IQGAP2: variants seen among roughly 807,000 people sequenced by gnomAD.
IQGAP2 encodes ras GTPase-activating-like protein IQGAP2.
IQGAP2 carries 173 observed loss-of-function variants against 201.3 expected under a neutral mutation model. The observed-to-expected ratio is 0.86, with a 90% CI of 0.76 to 0.98. IQGAP2 has a LOEUF of 0.98. Ranked by LOEUF, IQGAP2 falls within the 50% of genes least tolerant of loss-of-function variation. The pLI, the probability that IQGAP2 is intolerant of heterozygous loss-of-function variation, is 0.00. For missense variants in IQGAP2, 1,687 were observed against 1,864.8 expected, an observed-to-expected ratio of 0.90 and a Z score of 1.76; for synonymous variants, 675 against 673.9, an observed-to-expected ratio of 1.00 and a Z score of -0.03.
chr5:76,486,637 A>ATT (rs67220703), intron 2 of IQGAP2, among the ~76,000 whole-genome samples: 1 of 151,700 alleles, frequency 6.6e-6, no homozygotes. Context: ...CAATTCAGTG[A>ATT]TTTTTTTTTT....
chr5:76,477,776 G>T (rs1249227204), intron 2 of IQGAP2, among the ~76,000 whole-genome samples: 1 of 152,172 alleles, frequency 6.6e-6, no homozygotes, highest in African/African-American at 2.4e-5. Context: ...GGGACAAGAT[G>T]TGGAGGTGGA....
chr5:76,674,168 G>T, intron 26 of IQGAP2, 132 bp downstream of exon 26: 1 of 633,860 alleles, frequency 1.6e-6, no homozygotes. Flanking sequence ...TGTTTCTAAT[G>T]ACTCTCAAGA....
chr5:76,667,672 C>T (rs1263905346), intron 22 of IQGAP2, among the ~76,000 whole-genome samples: 1 of 152,124 alleles, frequency 6.6e-6, no homozygotes, highest in Non-Finnish European at 1.5e-5. Flanking sequence ...CCCTTATCAA[C>T]TGTCCTGACC....
intron 28 of IQGAP2, among the ~76,000 whole-genome samples, chr5:76,681,334 G>A (rs1745274564): frequency 6.6e-6 from 1 of 151,620 alleles, no homozygotes; most frequent in Non-Finnish European, 1.5e-5. Context: ...TCTGGTAAAG[G>A]GTTAATATCT....
chr5:76,630,246 G>A (rs1043770116), intron 14 of IQGAP2, among the ~76,000 whole-genome samples: 2 of 152,144 alleles, frequency 1.3e-5, no homozygotes, highest in Non-Finnish European at 1.5e-5. Context: ...AGGCTATTTC[G>A]TGCAGGAGCC....
rs1749796082 is a variant in IQGAP2 at position 76,622,479 on chromosome 5, C to G, written c.1522-4931C>G. Among the ~76,000 whole-genome samples the G allele has an allele frequency of 5.3e-5, 8 of 152,276 alleles. No homozygotes were observed. The South Asian group carries it at 1.7e-3, about 32-fold the overall frequency. Reference sequence around the variant, plus strand: ...CCTCTCCCACTCCTAACAATGTTGACTGGAGTGTGTGACCTAACAAAGAGT... The same window carrying G: ...CCTCTCCCACTCCTAACAATGTTGAGTGGAGTGTGTGACCTAACAAAGAGT... On this transcript the variant is annotated intron_variant, in intron 13 of 35. Coordinates refer to ENST00000274364, the MANE Select transcript of IQGAP2 (RefSeq NM_006633.5).
In IQGAP2 at chr5:76,658,763, TG is replaced by T. The variant is rs1742984776; in HGVS notation, c.2529+97del. The T allele has an allele frequency of 9.5e-6, 10 of 1,048,854 alleles. No individual in the cohort carries two copies. In the East Asian group the frequency reaches 1.9e-4, roughly 20 times the overall value. 65.0% of individuals were successfully genotyped at this position (1,048,854 alleles called of 1,614,324 possible). On this transcript the variant is annotated intron_variant, in intron 21 of 35. Coordinates refer to ENST00000274364, the MANE Select transcript of IQGAP2 (RefSeq NM_006633.5). ...AATGACAGGGATACATTCTCAGAAA[TG>T]TAGCATTAGGTGATTTCATCCTGAT...
At chr5:76,670,169 G>C (rs1224035405) in intron 23 of IQGAP2, among the ~76,000 whole-genome samples, 1 of 152,030 alleles carries the variant, frequency 6.6e-6, no homozygotes, top group Non-Finnish European at 1.5e-5. Flanking sequence ...TTTTGTTTGG[G>C]CATTGATTCA....
At chr5:76,598,481 A>T (rs1747193952) in intron 10 of IQGAP2, among the ~76,000 whole-genome samples, 1 of 152,186 alleles carries the variant, frequency 6.6e-6, no homozygotes, top group African/African-American at 2.4e-5. Flanking sequence ...GTTTAAACTC[A>T]ATCAGAAGTA....
intron 2 of IQGAP2, among the ~76,000 whole-genome samples, chr5:76,479,393 T>C (rs1755641880): frequency 1.3e-5 from 2 of 152,104 alleles, no homozygotes; most frequent in Admixed American, 6.5e-5. Context: ...TTCTGTTGGA[T>C]AGCCTTTGAA....
intron 2 of IQGAP2, among the ~76,000 whole-genome samples, chr5:76,501,397 G>A (rs1047167813): frequency 6.6e-6 from 1 of 152,008 alleles, no homozygotes; most frequent in African/African-American, 2.4e-5. Context: ...AAGAACCCCC[G>A]GCTCTATTTT....
At chr5:76,592,637 C>T (rs572450958) in intron 8 of IQGAP2, among the ~76,000 whole-genome samples, 6 of 152,188 alleles carry the variant, frequency 3.9e-5, no homozygotes, top group Admixed American at 2.0e-4. Context: ...AAAGAGTCAC[C>T]GGGTCTGTCA....
chr5:76,677,445 C>T lies in IQGAP2; in HGVS notation c.3660+95C>T, dbSNP rs80025190. The T allele has an allele frequency of 7.5e-4, 856 of 1,144,040 alleles. 7 individuals are homozygous for T. The African/African-American group carries it at 0.011, about 15-fold the overall frequency. 70.9% of individuals were successfully genotyped at this position (1,144,040 alleles called of 1,614,324 possible). On this transcript the variant is annotated intron_variant, in intron 28 of 35. Transcript: ENST00000274364. The stretch of plus-strand genomic sequence containing the variant: ...TAATCTCTACAGGACTTATTGTACA[C>T]ATGTGCTAATACTCATATTCTTAAC...
intron 2 of IQGAP2, among the ~76,000 whole-genome samples, chr5:76,547,093 C>T (rs1346975807): frequency 1.3e-5 from 2 of 152,118 alleles, no homozygotes; most frequent in East Asian, 3.8e-4. Context: ...GATGACATTC[C>T]TCACAGTTGA....
intron 2 of IQGAP2, among the ~76,000 whole-genome samples, chr5:76,472,403 G>A (rs569662940): frequency 3.3e-4 from 50 of 152,276 alleles, no homozygotes; most frequent in African/African-American, 1.1e-3. Context: ...GCCAGCTGGC[G>A]GTGACCAGGG....
At chr5:76,538,052 C>T (rs1053250330) in intron 2 of IQGAP2, among the ~76,000 whole-genome samples, 5 of 152,168 alleles carry the variant, frequency 3.3e-5, no homozygotes, top group African/African-American at 1.2e-4. Flanking sequence ...ATTTATAAAG[C>T]AAGAGGTTTA....
At chr5:76,623,284 A>G in intron 13 of IQGAP2, 1 of 1,597,890 alleles carries the variant, frequency 6.3e-7, no homozygotes, top group Non-Finnish European at 8.6e-7. Context: ...AAAATCATGG[A>G]GCACAATTTC....
chr5:76,430,916 T>C lies in IQGAP2; in HGVS notation c.46+27325T>C, dbSNP rs542299535. Among the ~76,000 whole-genome samples, 47 of 152,300 alleles carry C rather than the reference T, an allele frequency of 3.1e-4. 1 individual carries two copies. The highest frequency in any genetic ancestry group is 2.9e-3 in the Admixed American group (45 of 15,290). Reference sequence around the variant, plus strand: ...ATTGGGGAGTAGTTCAAATAAATTATAAATAAAATATTTATATTAGGAATA... The same window carrying C: ...ATTGGGGAGTAGTTCAAATAAATTACAAATAAAATATTTATATTAGGAATA... On this transcript the variant is annotated intron_variant, in intron 1 of 35. Transcript: ENST00000274364.
At chr5:76,459,347 C>T (rs760950373) in intron 1 of IQGAP2, among the ~76,000 whole-genome samples, 1 of 151,908 alleles carries the variant, frequency 6.6e-6, no homozygotes, top group Non-Finnish European at 1.5e-5. Context: ...GGGAGAGCAC[C>T]GCCTTTTTAA....
Sources: gnomAD v4.1 joint callset for allele counts (sites outside exome capture counted in the v4.1 genomes callset) on GRCh38, gnomAD v4.1.1 for gene constraint, MANE v1.5 for transcripts, NCBI Gene and HGNC (gene_info 2026-07-23, HGNC 2026-07-21) for gene names.